The following PRKCD variants were observed in gnomAD, a reference collection of about 807,000 sequenced individuals.
The protein encoded by PRKCD is protein kinase C delta.
A neutral mutation model predicts 82.2 loss-of-function variants in PRKCD; 20 were observed. The observed-to-expected ratio is 0.24, with a 90% CI of 0.17 to 0.35. The LOEUF (loss-of-function observed/expected upper bound fraction) is 0.35. PRKCD is among the 10% of genes least tolerant of loss of function. The pLI, the probability that PRKCD is intolerant of heterozygous loss-of-function variation, is 1.00. For synonymous variants in PRKCD, 317 were observed against 337.0 expected, an observed-to-expected ratio of 0.94 and a Z score of 0.65; for missense variants, 607 against 899.0, an observed-to-expected ratio of 0.68 and a Z score of 4.15.
chr3:53,189,189 G>A lies in PRKCD; in HGVS notation c.1686G>A (p.Val562=), dbSNP rs575489885. 2 of 1,614,178 alleles carry A rather than the reference G, an allele frequency of 1.2e-6. No homozygotes were observed. The highest frequency in any genetic ancestry group is 1.7e-6 in the Non-Finnish European group (2 of 1,180,028). Residue 562 remains valine, a synonymous_variant, in exon 17 of 19, where the codon GTG becomes GTA. Coordinates refer to ENST00000330452, the MANE Select transcript of PRKCD (RefSeq NM_006254.4). Reference sequence around the variant, plus strand: ...ATGAACTCTTCGAGTCCATCCGTGTGGACACGCCACATTATCCCCGCTGGA... The same window carrying A: ...ATGAACTCTTCGAGTCCATCCGTGTAGACACGCCACATTATCCCCGCTGGA... The part of the protein sequence containing the change: ...DEDELFESIR[V]DTPHYPRWIT...
At position 53,178,430 on chromosome 3, in the gene PRKCD, C is replaced by G. The variant is rs1235740215; in HGVS notation, c.8C>G (p.Pro3Arg). The change falls in exon 3 of 19, where the codon CCG becomes CGG. Residue 3 changes from proline (P) to arginine (R), a missense_variant. Transcript: ENST00000330452. Reference sequence around the variant, plus strand: ...CCCACTGCAGGCCCCACCATGGCGCCGTTCCTGCGCATCGCCTTCAACTCC... The same window carrying G: ...CCCACTGCAGGCCCCACCATGGCGCGGTTCCTGCGCATCGCCTTCAACTCC... MA[P>R]FLRIAFNSYE... 1.2e-5 allele frequency: 19 copies of G among 1,611,406 alleles called. No homozygotes were observed. Among genetic ancestry groups the G allele is most frequent in the Non-Finnish European group, 1.6e-5 (19 of 1,179,470 alleles).
At chr3:53,170,489 C>T (rs1272287125) in intron 2 of PRKCD, among the ~76,000 whole-genome samples, 1 of 152,252 alleles carries the variant, frequency 6.6e-6, no homozygotes, top group African/African-American at 2.4e-5. Flanking sequence ...CTTCAACCTC[C>T]ACCATAGCCT....
At position 53,171,014 on chromosome 3, in the gene PRKCD, T is replaced by C. The variant is rs375876857; in HGVS notation, c.-20+5799T>C. Among the ~76,000 whole-genome samples the C allele has an allele frequency of 2.0e-4, 30 of 152,236 alleles. No homozygotes were observed. In the East Asian group the frequency reaches 4.1e-3, roughly 21 times the overall value. On this transcript the variant is annotated intron_variant, in intron 2 of 18. Coordinates refer to ENST00000330452, the MANE Select transcript of PRKCD (RefSeq NM_006254.4). ...GTGTGTACGTACCTGTGGCTCCAAC[T>C]GTGTGCGTGTGTGTCTAATGTCGAG... is the stretch of plus-strand genomic sequence containing the variant.
rs1553668131 is a variant in PRKCD, at chr3:53,183,167, C to T, written c.618C>T (p.Gly206=). The T allele has an allele frequency of 9.3e-6, 15 of 1,614,120 alleles. No individual in the cohort carries two copies. Among genetic ancestry groups the T allele is most frequent in the Non-Finnish European group, 1.1e-5 (13 of 1,180,048 alleles). The change falls in exon 8 of 19, where the codon GGC becomes GGT. Residue 206 remains glycine, a synonymous_variant. Transcript: ENST00000330452. ...AGAAATGCATCGACAAGATCATCGG[C>T]AGATGCACTGGCACCGCGGCCAACA... ...IHKKCIDKII[G]RCTGTAANSR...
chr3:53,177,940 CTTTTTCTTTTTT>C (rs1291387771), intron 2 of PRKCD, among the ~76,000 whole-genome samples: 7 of 108,758 alleles, frequency 6.4e-5, no homozygotes, highest in African/African-American at 1.6e-4. Context: ...TTTTCTTTTT[CTTTTTCTTTTTT>C]TTTTTTTTTT....
intron 1 of PRKCD, chr3:53,161,642 C>G (rs935075524): frequency 1.3e-5 from 2 of 152,114 alleles, no homozygotes; most frequent in Non-Finnish European, 2.9e-5. Flanking sequence ...GTCCTTCTGT[C>G]TGCCCGCTCC....
chr3:53,177,946 CTT>C (rs55779744), intron 2 of PRKCD, among the ~76,000 whole-genome samples: 8 of 135,062 alleles, frequency 5.9e-5, no homozygotes, highest in Admixed American at 2.3e-4. Context: ...TTTTCTTTTT[CTT>C]TTTTTTTTTT....
At position 53,186,699 on chromosome 3, in the gene PRKCD, C is replaced by A. The variant is rs202155309; in HGVS notation, c.1352+4C>A. On this transcript the variant is annotated splice_donor_region_variant and intron_variant, in intron 14 of 18. Transcript: ENST00000330452. ...GCTTTGAACTCTACCGTGCCACGTA[C>A]GTAAGGGCCATGGTGGGGAAGGGCC... The A allele has an allele frequency of 1.2e-6, 2 of 1,611,600 alleles. No homozygotes were observed. The highest frequency in any genetic ancestry group is 1.7e-6 in the Non-Finnish European group (2 of 1,178,088).
chr3:53,183,334 C>T, intron 8 of PRKCD, 118 bp from the exon 9 acceptor site: 1 of 1,570,900 alleles, frequency 6.4e-7, no homozygotes, highest in Non-Finnish European at 8.7e-7. Flanking sequence ...CTTTCCTTGC[C>T]TCTCCCAGTG....
chr3:53,170,521 G>A (rs1702984843), intron 2 of PRKCD, among the ~76,000 whole-genome samples: 1 of 152,248 alleles, frequency 6.6e-6, no homozygotes, highest in Non-Finnish European at 1.5e-5. Context: ...AGGCAGGTGG[G>A]CGGGCGGGCG....
intron 2 of PRKCD, among the ~76,000 whole-genome samples, chr3:53,177,270 G>T (rs1014473814): frequency 6.6e-5 from 10 of 152,200 alleles, no homozygotes; most frequent in Admixed American, 2.6e-4. Context: ...GATTATGGGA[G>T]TGAGCCACCA....
In PRKCD at chr3:53,192,652, A is replaced by AAAG. The variant is rs1703970276; in HGVS notation, c.*386_*387insAAG. On this transcript the variant is annotated 3_prime_UTR_variant, in exon 19 of 19. Transcript: ENST00000330452. ...ATATATATGACAAAAAAAAAAAAAAAGGAGCACAAGCTGTTTGAACCACCA... is the reference window on the plus strand; with the variant it reads ...ATATATATGACAAAAAAAAAAAAAAAAAGGGAGCACAAGCTGTTTGAACCACCA... 1 of 150,598 alleles carries AAAG rather than the reference A, an allele frequency of 6.6e-6. No individual in the cohort carries two copies. Among genetic ancestry groups the AAAG allele is most frequent in the Non-Finnish European group, 1.5e-5 (1 of 67,648 alleles). 9.3% of individuals were successfully genotyped at this position (150,598 alleles called of 1,614,324 possible). A position where few individuals can be genotyped will look rare whatever the true frequency, so the allele number is the denominator to read the frequency against.
rs577578719 is a variant in PRKCD at position 53,183,080 on chromosome 3, G to A, written c.572-41G>A. 3.1e-6 allele frequency: 5 copies of A among 1,603,570 alleles called. No individual in the cohort carries two copies. The highest frequency in any genetic ancestry group is 1.7e-5 in the Admixed American group (1 of 60,006). On this transcript the variant is annotated intron_variant, in intron 7 of 18. Coordinates refer to ENST00000330452, the MANE Select transcript of PRKCD (RefSeq NM_006254.4). ...CCAGCTCATAGACTCTGCCCCTCCC[G>A]GTGCTTTCCCTTCCCCCTCCTGGGC...
rs534314838 is a variant in PRKCD, at chr3:53,166,292, C to T, written c.-20+1077C>T. Among the ~76,000 whole-genome samples, 12 of 152,268 alleles carry T rather than the reference C, an allele frequency of 7.9e-5. No individual in the cohort carries two copies. In the South Asian group the frequency reaches 1.0e-3, roughly 13 times the overall value. On this transcript the variant is annotated intron_variant, in intron 2 of 18. Transcript: ENST00000330452. Reference sequence around the variant, plus strand: ...TAAACCTGGTGTGGAGGAAGTAAAGCGCCTTTGGCTGTCTAGGGGCCTCTG... The same window carrying T: ...TAAACCTGGTGTGGAGGAAGTAAAGTGCCTTTGGCTGTCTAGGGGCCTCTG...
At chr3:53,161,874 C>G (rs1186108737) in intron 1 of PRKCD, among the ~76,000 whole-genome samples, 1 of 133,232 alleles carries the variant, frequency 7.5e-6, no homozygotes, top group African/African-American at 2.9e-5. Context: ...ACACCCCTAC[C>G]CCCGCCCGCC....
intron 1 of PRKCD, among the ~76,000 whole-genome samples, chr3:53,162,424 C>CG (rs1240486328): frequency 5.9e-5 from 9 of 152,114 alleles, no homozygotes; most frequent in African/African-American, 1.4e-4. Context: ...TGTGAGTGGG[C>CG]GGGGGGTCCC....
intron 4 of PRKCD, 70 bp downstream of exon 4, chr3:53,179,846 G>T: frequency 6.5e-6 from 10 of 1,530,740 alleles, no homozygotes; most frequent in Non-Finnish European, 8.8e-6. Context: ...GCGTGCATGT[G>T]TGTGCGTGCA....
chr3:53,181,231 G>A lies in PRKCD; in HGVS notation c.340G>A (p.Val114Met). The change falls in exon 5 of 19, where the codon GTG becomes ATG. Residue 114 changes from valine (V) to methionine (M), a missense_variant. Val to Met is a conservative substitution (Grantham distance 21). Around this residue, in one of 5 missense-constraint regions of PRKCD, gnomAD observed 161 missense variants for 227.0 expected, o/e 0.71. Coordinates refer to ENST00000330452, the MANE Select transcript of PRKCD (RefSeq NM_006254.4). Reference protein sequence around the residue: ...FWLDLQPQAKVLMSVQYFLED... With the variant: ...FWLDLQPQAKMLMSVQYFLED... The stretch of plus-strand genomic sequence containing the variant: ...GCTGGACCTGCAGCCTCAGGCCAAG[G>A]TGTTGATGTCTGTTCAGTATTTCCT... 6.2e-7 allele frequency: 1 copy of A among 1,613,984 alleles called. No individual in the cohort carries two copies. The highest frequency in any genetic ancestry group is 8.5e-7 in the Non-Finnish European group (1 of 1,179,916).
In PRKCD at chr3:53,189,254, C is replaced by T. The variant is rs182290450; in HGVS notation, c.1743+8C>T. 7.7e-4 allele frequency: 1,201 copies of T among 1,553,046 alleles called. 26 individuals are homozygous for T. In the East Asian group the frequency reaches 0.027, roughly 35 times the overall value. ...AAGGACATCCTGGAGAAGGTGGAGG[C>T]CCTGGGCTGGGCTGGGCTGGTCTGG... On this transcript the variant is annotated splice_region_variant and intron_variant, in intron 17 of 18. Transcript: ENST00000330452.
Sources: gnomAD v4.1 joint callset for allele counts (sites outside exome capture counted in the v4.1 genomes callset) on GRCh38, gnomAD v4.1.1 for gene constraint, gnomAD v4.1.1 regional missense constraint, MANE v1.5 for transcripts, NCBI Gene and HGNC (gene_info 2026-07-23, HGNC 2026-07-21) for gene names.